Variants in ASS1 observed in about 807,000 individuals in gnomAD.
ASS1 encodes argininosuccinate synthase.
Under a neutral mutation model 60.5 loss-of-function variants are expected in ASS1, and 58 were observed. The observed-to-expected ratio is 0.96, with a 90% confidence interval of 0.78 to 1.19. The LOEUF (loss-of-function observed/expected upper bound fraction) is 1.19, where lower values mean the gene tolerates loss of function less well. Among genes scored for constraint, ASS1 ranks in the 50% most tolerant of loss-of-function variants. The probability of loss-of-function intolerance (pLI) is 0.00; values close to 1 mark genes in which losing one functional copy is unlikely to be tolerated. For missense variants in ASS1, 454 were observed against 547.3 expected, an observed-to-expected ratio of 0.83 and a Z score of 1.70; for synonymous variants, 200 against 206.9, an observed-to-expected ratio of 0.97 and a Z score of 0.29.
intron 11 of ASS1, among the ~76,000 whole-genome samples, chr9:130,482,499 A>G (rs1329483944): frequency 6.6e-6 from 1 of 151,876 alleles, no homozygotes; most frequent in Non-Finnish European, 1.5e-5. Context: ...CAGGATTGGC[A>G]TACGTGATGA....
intron 10 of ASS1, among the ~76,000 whole-genome samples, chr9:130,480,130 A>G (rs1311201589): frequency 6.6e-6 from 1 of 152,240 alleles, no homozygotes; most frequent in Non-Finnish European, 1.5e-5. Context: ...GCAGGGCCCC[A>G]GGACACAGGG....
At chr9:130,492,887 A>G (rs922752142) in intron 12 of ASS1, among the ~76,000 whole-genome samples, 5 of 152,070 alleles carry the variant, frequency 3.3e-5, no homozygotes, top group African/African-American at 1.2e-4. Flanking sequence ...CTGGCCCCCA[A>G]CCCAGGCTGG....
chr9:130,481,452 C>T (rs112790675), intron 11 of ASS1, among the ~76,000 whole-genome samples: 30 of 152,252 alleles, frequency 2.0e-4, no homozygotes, highest in African/African-American at 6.3e-4. Flanking sequence ...CACCTGGCCA[C>T]GGTATAGTCA....
At chr9:130,450,558 G>T (rs948170125) in intron 1 of ASS1, among the ~76,000 whole-genome samples, 3 of 152,222 alleles carry the variant, frequency 2.0e-5, no homozygotes, top group Admixed American at 2.0e-4. Flanking sequence ...GGTCCATGAG[G>T]TGTTTCCCCT....
rs559863417 is a variant in ASS1 at position 130,501,143 on chromosome 9, G to C, written c.*122G>C. On this transcript the variant is annotated 3_prime_UTR_variant, in exon 15 of 15. Transcript: ENST00000352480. ...CCCCGGCTGGCAGCGTAGTGGGGCT[G>C]CCAGGCCCCAGCTTTGTTCCCTGGT... 1 of 1,126,194 alleles carries C rather than the reference G, an allele frequency of 8.9e-7. No homozygotes were observed. The highest frequency in any genetic ancestry group is 1.5e-5 in the African/African-American group (1 of 65,194). The allele number at this position is 1,126,194 out of a possible 1,614,324, so 69.8% of individuals were successfully genotyped here.
chr9:130,457,290 G>A (rs1364777328), intron 3 of ASS1, among the ~76,000 whole-genome samples: 1 of 152,086 alleles, frequency 6.6e-6, no homozygotes, highest in African/African-American at 2.4e-5. Context: ...GGGCAACACA[G>A]TGAGATCCCA....
intron 13 of ASS1, 91 bp from the exon 14 acceptor site, chr9:130,499,414 G>A (rs1846682342): frequency 7.4e-7 from 1 of 1,342,464 alleles, no homozygotes; most frequent in Non-Finnish European, 1.1e-6. Flanking sequence ...CCTGGCATCT[G>A]GGAGGTGGGG....
At chr9:130,498,857 G>A (rs1471283746) in intron 13 of ASS1, among the ~76,000 whole-genome samples, 1 of 152,212 alleles carries the variant, frequency 6.6e-6, no homozygotes, top group Non-Finnish European at 1.5e-5. Context: ...GAAGGCTGGT[G>A]AGTCTGAGAG....
chr9:130,474,689 A>G (rs1845973019), intron 8 of ASS1, among the ~76,000 whole-genome samples: 1 of 152,214 alleles, frequency 6.6e-6, no homozygotes, highest in Admixed American at 6.5e-5. Context: ...GCCAGCCCTG[A>G]TGCCTACCTG....
chr9:130,458,512 C>A lies in ASS1; in HGVS notation c.286C>A (p.Pro96Thr), dbSNP rs2131874080. The change falls in exon 4 of 15, where the codon CCC becomes ACC. Residue 96 changes from proline to threonine, a missense_variant. Pro to Thr is a conservative substitution (Grantham distance 38). Transcript: ENST00000352480. ...RYLLGTSLAR[P>T]CIARKQVEIA... ...CCTCCTGGGCACCTCTCTTGCCAGG[C>A]CCTGCATCGCCCGCAAACAAGTGGA... 1 of 1,613,092 alleles carries A rather than the reference C, an allele frequency of 6.2e-7. No individual in the cohort carries two copies.
At chr9:130,500,127 G>T (rs1414981340) in intron 14 of ASS1, among the ~76,000 whole-genome samples, 1 of 152,130 alleles carries the variant, frequency 6.6e-6, no homozygotes. Context: ...TGGAAATCAA[G>T]CATGCGGCTC....
chr9:130,451,180 G>C (rs750523828), intron 1 of ASS1, among the ~76,000 whole-genome samples: 3 of 152,182 alleles, frequency 2.0e-5, no homozygotes, highest in African/African-American at 7.2e-5. Flanking sequence ...GAGAGCCCTC[G>C]GGGAAGAAGC....
At position 130,476,887 on chromosome 9, in the gene ASS1, G is replaced by A; in HGVS notation, c.614G>A (p.Gly205Asp). ...LENPKNQAPPGLYTKTQDPAK... is the reference protein window; with the variant it reads ...LENPKNQAPPDLYTKTQDPAK... The stretch of plus-strand genomic sequence containing the variant: ...TTTTTTCAGAACCAAGCGCCTCCAG[G>A]TCTCTACACGAAGACCCAGGACCCA... Residue 205 changes from glycine (G) to aspartate (D), a missense_variant, in exon 9 of 15, where the codon GGT becomes GAT. Coordinates refer to ENST00000352480, the MANE Select transcript of ASS1 (RefSeq NM_054012.4). This position sits in a 1 kb window ranked among gnomAD's most constrained non-coding sequence, Gnocchi z 4.9. 1 of 1,613,816 alleles carries A rather than the reference G, an allele frequency of 6.2e-7. No homozygotes were observed. The highest frequency in any genetic ancestry group is 8.5e-7 in the Non-Finnish European group (1 of 1,179,942).
chr9:130,470,769 CT>C lies in ASS1; in HGVS notation c.496-64del. 1 of 1,509,864 alleles carries C rather than the reference CT, an allele frequency of 6.6e-7. No individual in the cohort carries two copies. Among genetic ancestry groups the C allele is most frequent in the Non-Finnish European group, 9.2e-7 (1 of 1,086,206 alleles). 93.5% of individuals were successfully genotyped at this position (1,509,864 alleles called of 1,614,324 possible). A position where few individuals can be genotyped will look rare whatever the true frequency, so the allele number is the denominator to read the frequency against. On this transcript the variant is annotated intron_variant, in intron 6 of 14. Coordinates refer to ENST00000352480, the MANE Select transcript of ASS1 (RefSeq NM_054012.4). The surrounding 1 kb of genome is among the most constrained non-coding windows in gnomAD (Gnocchi z 4.3). ...GGGGCTCTCTGAAAAAGCAGGGCCC[CT>C]GGGACGGACCTCACGCGTCCTTCCA...
rs779930497 is a variant in ASS1 at position 130,494,980 on chromosome 9, G to A, written c.1084G>A (p.Gly362Ser). Residue 362 changes from glycine to serine, a missense_variant, in exon 13 of 15, where the codon GGC (glycine) becomes AGC (serine). Coordinates refer to ENST00000352480, the MANE Select transcript of ASS1 (RefSeq NM_054012.4). This position sits in a 1 kb window ranked among gnomAD's most constrained non-coding sequence, Gnocchi z 4.3. ...CCTCAAGGGCCAGGTGTACATCCTCGGCCGGGAGTCCCCACTGTCTCTCTA... is the reference window on the plus strand; with the variant it reads ...CCTCAAGGGCCAGGTGTACATCCTCAGCCGGGAGTCCCCACTGTCTCTCTA... ...SVLKGQVYIL[G>S]RESPLSLYNE... The A allele has an allele frequency of 1.8e-5, 29 of 1,613,272 alleles. No individual in the cohort carries two copies. Among genetic ancestry groups the A allele is most frequent in the South Asian group, 3.3e-5 (3 of 91,070 alleles).
intron 1 of ASS1, chr9:130,451,666 C>A: frequency 2.7e-6 from 1 of 366,214 alleles, no homozygotes; most frequent in South Asian, 2.0e-5. Flanking sequence ...CTTGAGCCTG[C>A]CACTGACCTC....
At position 130,494,851 on chromosome 9, in the gene ASS1, G is replaced by A. The variant is rs974207476; in HGVS notation, c.971-16G>A. 1 of 1,613,220 alleles carries A rather than the reference G, an allele frequency of 6.2e-7. No individual in the cohort carries two copies. ...CAGGAGGCCTCCCTAGTGGTATCCT[G>A]TTTTCCTCCCTGTAGGTTTCTGGCA... On this transcript the variant is annotated splice_polypyrimidine_tract_variant and intron_variant, in intron 12 of 14. Transcript: ENST00000352480. The surrounding 1 kb of genome is among the most constrained non-coding windows in gnomAD (Gnocchi z 4.3).
chr9:130,458,090 CG>C (rs1845490005), intron 3 of ASS1, among the ~76,000 whole-genome samples: 1 of 149,388 alleles, frequency 6.7e-6, no homozygotes, highest in South Asian at 2.1e-4. Context: ...ACCTGGGAGA[CG>C]GAGGTTGCAG....
In ASS1 at chr9:130,477,651, G is replaced by A. The variant is rs1588493263; in HGVS notation, c.688+690G>A. On this transcript the variant is annotated intron_variant, in intron 9 of 14. Transcript: ENST00000352480. This position sits in a 1 kb window ranked among gnomAD's most constrained non-coding sequence, Gnocchi z 4.2. ...TGGCCTGGAGGAAGGATGGAGAAGC[G>A]AGGCATGCCCGCCTGGGCTCAGAGG... Among the ~76,000 whole-genome samples the A allele has an allele frequency of 6.6e-6, 1 of 152,236 alleles. No homozygotes were observed. The highest frequency in any genetic ancestry group is 2.1e-4 in the South Asian group (1 of 4,836).
Sources: allele counts gnomAD v4.1 joint callset (sites outside exome capture counted in the v4.1 genomes callset), GRCh38; gene constraint gnomAD v4.1.1; non-coding constraint Gnocchi (gnomAD v3.1); transcripts MANE v1.5; gene names NCBI Gene and HGNC (gene_info 2026-07-23, HGNC 2026-07-21).